Variants in NCK2 observed in about 807,000 individuals in gnomAD.
NCK2 encodes cytoplasmic protein NCK2.
NCK2 carries 16 observed loss-of-function variants against 33.9 expected under a neutral mutation model. The ratio of observed to expected loss-of-function variants is 0.47; its 90% confidence interval spans 0.32 to 0.72. The LOEUF is 0.72. NCK2 is among the 30% of genes least tolerant of loss of function. The pLI is 0.03. For missense variants in NCK2, 418 were observed against 537.3 expected (o/e 0.78, Z 2.19); for synonymous variants, 273 against 239.9 (o/e 1.14, Z -1.27).
chr2:105,745,863 G>T (rs962840198), intron 1 of NCK2: 3 of 152,196 alleles, frequency 2.0e-5, no homozygotes, highest in Non-Finnish European at 4.4e-5. Context: ...TTTAATCACC[G>T]AGTGCTTTTG....
At chr2:105,806,059 C>T (rs1400089288) in intron 1 of NCK2, among the ~76,000 whole-genome samples, 4 of 151,430 alleles carry the variant, frequency 2.6e-5, no homozygotes, top group Non-Finnish European at 5.9e-5. Flanking sequence ...TGACTGTGGC[C>T]CTTCCCATGA....
At chr2:105,778,551 G>A (rs970568413) in intron 1 of NCK2, among the ~76,000 whole-genome samples, 11 of 152,304 alleles carry the variant, frequency 7.2e-5, no homozygotes, top group African/African-American at 1.7e-4. Flanking sequence ...GGGATTTGCC[G>A]GCAGAGTTAA....
At chr2:105,786,797 GGT>G (rs1690696157) in intron 1 of NCK2, among the ~76,000 whole-genome samples, 1 of 152,100 alleles carries the variant, frequency 6.6e-6, no homozygotes, top group South Asian at 2.1e-4. Context: ...CTTCCTCCTG[GGT>G]TTGTTCCCCT....
At chr2:105,832,846 C>CT (rs60670971) in intron 2 of NCK2, among the ~76,000 whole-genome samples, 2,213 of 141,556 alleles carry the variant, frequency 0.016, 29 homozygotes, top group South Asian at 0.037. Context: ...ATTCTCTTCT[C>CT]TTTTTTTTTT....
chr2:105,890,513 C>CT (rs1318719328), intron 4 of NCK2, among the ~76,000 whole-genome samples: 5 of 152,212 alleles, frequency 3.3e-5, no homozygotes, highest in Admixed American at 1.3e-4. Flanking sequence ...GAGGCCTAAT[C>CT]TGAGATTAAC....
chr2:105,776,875 T>C (rs868856828), intron 1 of NCK2, among the ~76,000 whole-genome samples: 1 of 151,886 alleles, frequency 6.6e-6, no homozygotes, highest in African/African-American at 2.4e-5. Flanking sequence ...CCTCTGGCCT[T>C]GGGGTTCTTC....
At position 105,754,360 on chromosome 2, in the gene NCK2, G is replaced by A. The variant is rs984098035; in HGVS notation, c.-201+9222G>A. Among the ~76,000 whole-genome samples, 5 of 152,156 alleles carry A rather than the reference G, an allele frequency of 3.3e-5. No homozygotes were observed. In the East Asian group the frequency reaches 5.8e-4, roughly 18 times the overall value. On this transcript the variant is annotated intron_variant, in intron 1 of 4. Transcript: ENST00000233154. ...ATCACAGGGAGATGCCTAGAAAGAC[G>A]CCCATGCCCATCTTAGAGGACAAAG...
rs192947412 is a variant in NCK2, at chr2:105,873,667, T to C, written c.227-7661T>C. On this transcript the variant is annotated intron_variant, in intron 3 of 4. Transcript: ENST00000233154. ...CTGGGGGAAGGGTGGTTTTATTTTT[T>C]GGGGGCTCTTAATTGAAGAGACTGA... Among the ~76,000 whole-genome samples the C allele has an allele frequency of 5.5e-4, 83 of 152,244 alleles. 1 individual carries two copies. The Middle Eastern group carries it at 0.014, about 25-fold the overall frequency.
At chr2:105,791,897 G>C (rs960605675) in intron 1 of NCK2, among the ~76,000 whole-genome samples, 1 of 152,174 alleles carries the variant, frequency 6.6e-6, no homozygotes, top group Non-Finnish European at 1.5e-5. Context: ...CTTTTTGGGA[G>C]GAGCAGAGGT....
intron 1 of NCK2, among the ~76,000 whole-genome samples, chr2:105,767,402 C>T (rs995969287): frequency 1.2e-4 from 18 of 152,140 alleles, no homozygotes; most frequent in African/African-American, 4.3e-4. Flanking sequence ...GAAAGGTGTT[C>T]TTTATAAGTG....
intron 1 of NCK2, among the ~76,000 whole-genome samples, chr2:105,809,726 T>C (rs1460975580): frequency 6.6e-6 from 1 of 152,206 alleles, no homozygotes; most frequent in Non-Finnish European, 1.5e-5. Flanking sequence ...TTATGACTTA[T>C]TCACAGAATA....
At chr2:105,765,705 T>C (rs1281634829) in intron 1 of NCK2, among the ~76,000 whole-genome samples, 2 of 151,974 alleles carry the variant, frequency 1.3e-5, no homozygotes, top group Non-Finnish European at 2.9e-5. Context: ...TAAAGACATT[T>C]TCAGAAACAG....
Position 105,803,429 on chromosome 2 carries a change from A to G in NCK2, c.-200-13001A>G, listed in dbSNP as rs915011204. On this transcript the variant is annotated intron_variant, in intron 1 of 4. Coordinates refer to ENST00000233154, the MANE Select transcript of NCK2 (RefSeq NM_003581.5). ...TCTGTGCTGTGCCTTATGTATGTACAGCATTTGCACACAGCAGTTGTGCAA... is the reference window on the plus strand; with the variant it reads ...TCTGTGCTGTGCCTTATGTATGTACGGCATTTGCACACAGCAGTTGTGCAA... Among the ~76,000 whole-genome samples, 6 of 152,226 alleles carry G rather than the reference A, an allele frequency of 3.9e-5. 1 individual carries two copies. The highest frequency in any genetic ancestry group is 7.3e-5 in the Non-Finnish European group (5 of 68,036).
chr2:105,834,537 G>A (rs1676316253), intron 2 of NCK2, among the ~76,000 whole-genome samples: 1 of 150,896 alleles, frequency 6.6e-6, no homozygotes, highest in Admixed American at 6.6e-5. Flanking sequence ...CAGTCTCTGT[G>A]TGTCTTTATA....
At chr2:105,767,602 A>T (rs917502978) in intron 1 of NCK2, among the ~76,000 whole-genome samples, 3 of 152,226 alleles carry the variant, frequency 2.0e-5, no homozygotes, top group African/African-American at 7.2e-5. Context: ...CCCATGTTGC[A>T]ACAGCAGAAT....
At chr2:105,828,562 C>T (rs1401021318) in intron 2 of NCK2, among the ~76,000 whole-genome samples, 1 of 152,134 alleles carries the variant, frequency 6.6e-6, no homozygotes, top group Non-Finnish European at 1.5e-5. Flanking sequence ...AGGCTGAAAA[C>T]AGTAGAAGGC....
chr2:105,772,142 G>A (rs1690155150), intron 1 of NCK2, among the ~76,000 whole-genome samples: 1 of 150,658 alleles, frequency 6.6e-6, no homozygotes, highest in Non-Finnish European at 1.5e-5. Context: ...TGAGAATGCT[G>A]TGTTAGCAGT....
chr2:105,893,254 C>A lies in NCK2; in HGVS notation c.*78C>A, dbSNP rs946696727. 7.2e-6 allele frequency: 10 copies of A among 1,381,204 alleles called. No homozygotes were observed. The highest frequency in any genetic ancestry group is 9.7e-6 in the Non-Finnish European group (10 of 1,026,268). The allele number at this position is 1,381,204 out of a possible 1,614,324, so 85.6% of individuals were successfully genotyped here. A position where few individuals can be genotyped will look rare whatever the true frequency, so the allele number is the denominator to read the frequency against. ...CCGGCCTTGTGGCAGAGGCTCCTCC[C>A]GCGGGGACGGCCCCGACGGCTTCTC... On this transcript the variant is annotated 3_prime_UTR_variant, in exon 5 of 5. Transcript: ENST00000233154.
chr2:105,880,977 G>T (rs1051624102), intron 3 of NCK2, among the ~76,000 whole-genome samples: 1 of 122,166 alleles, frequency 8.2e-6, no homozygotes, highest in Non-Finnish European at 1.6e-5. Context: ...TTGCAGACAC[G>T]GTCTCGCTAT....
Sources: gnomAD v4.1 joint callset for allele counts (sites outside exome capture counted in the v4.1 genomes callset) on GRCh38, gnomAD v4.1.1 for gene constraint, MANE v1.5 for transcripts, NCBI Gene and HGNC (gene_info 2026-07-23, HGNC 2026-07-21) for gene names.